Variants in RBFOX1 observed in about 807,000 individuals in gnomAD.
RBFOX1 encodes the protein RNA binding protein fox-1 homolog 1.
Under a neutral mutation model 57.7 loss-of-function variants are expected in RBFOX1, and 8 were observed. The observed-to-expected ratio is 0.14, with a 90% CI of 0.08 to 0.25. The LOEUF (loss-of-function observed/expected upper bound fraction) is 0.25, where lower values mean the gene tolerates loss of function less well. RBFOX1 is among the 10% of genes least tolerant of loss of function. The pLI, the probability that RBFOX1 is intolerant of heterozygous loss-of-function variation, is 1.00. For missense variants in RBFOX1, 611 were observed against 548.5 expected (o/e 1.11, Z -1.14); for synonymous variants, 326 against 222.4 (o/e 1.47, Z -4.15).
chr16:7,403,749 T>C (rs895775743), intron 4 of RBFOX1, among the ~76,000 whole-genome samples: 1 of 152,142 alleles, frequency 6.6e-6, no homozygotes, highest in Non-Finnish European at 1.5e-5. Flanking sequence ...TTTCACCATG[T>C]TGGCCAGGTT....
intron 5 of RBFOX1, among the ~76,000 whole-genome samples, chr16:7,523,290 C>T (rs1356000669): frequency 1.3e-5 from 2 of 152,088 alleles, no homozygotes; most frequent in Non-Finnish European, 2.9e-5. Context: ...AATAAATCTG[C>T]TGACATTTGG....
chr16:7,679,780 TGA>T (rs2074273773), intron 14 of RBFOX1, among the ~76,000 whole-genome samples: 2 of 152,024 alleles, frequency 1.3e-5, no homozygotes, highest in Non-Finnish European at 2.9e-5. Flanking sequence ...CGGAGCAACC[TGA>T]GAGTCTCTGA....
At chr16:6,765,653 G>A (rs765242149) in intron 3 of RBFOX1, among the ~76,000 whole-genome samples, 1 of 152,034 alleles carries the variant, frequency 6.6e-6, no homozygotes, top group Non-Finnish European at 1.5e-5. Context: ...CCCAATACTG[G>A]GTCTCTACCC....
intron 4 of RBFOX1, among the ~76,000 whole-genome samples, chr16:7,251,413 T>TA: frequency 6.8e-6 from 1 of 147,050 alleles, no homozygotes; most frequent in Non-Finnish European, 1.5e-5. Context: ...CCGTTTTTTT[T>TA]TTTTTTTTCT....
intron 3 of RBFOX1, among the ~76,000 whole-genome samples, chr16:6,772,882 G>C (rs1377050189): frequency 6.8e-6 from 1 of 146,032 alleles, no homozygotes; most frequent in South Asian, 2.3e-4. Context: ...CTGTGTGGGC[G>C]TGGGGTGCAT....
At chr16:7,538,022 C>T (rs1273725968) in intron 5 of RBFOX1, among the ~76,000 whole-genome samples, 1 of 152,208 alleles carries the variant, frequency 6.6e-6, no homozygotes, top group African/African-American at 2.4e-5. Flanking sequence ...ATGAGTCAGA[C>T]ATTGTCTGTG....
chr16:7,677,874 G>T (rs2073804840), intron 14 of RBFOX1, among the ~76,000 whole-genome samples: 1 of 152,178 alleles, frequency 6.6e-6, no homozygotes, highest in Non-Finnish European at 1.5e-5. Context: ...GCAGCCTCTG[G>T]TCCTCCTACC....
chr16:5,761,584 C>G (rs28652596), intron 3 of RBFOX1, among the ~76,000 whole-genome samples: 1,904 of 152,134 alleles, frequency 0.013, 37 homozygotes, highest in African/African-American at 0.042. Flanking sequence ...GGGGAACTCC[C>G]CTTTATAAAA....
exon 3 of RBFOX1, chr16:5,598,987 G>C (rs2047276962): frequency 1.3e-6 from 2 of 1,509,836 alleles, no homozygotes; most frequent in East Asian, 2.5e-5. Context: ...TTGCTGAACA[G>C]ATTAGATTTT....
chr16:5,909,869 A>G (rs555539519), intron 4 of RBFOX1, among the ~76,000 whole-genome samples: 7 of 152,076 alleles, frequency 4.6e-5, no homozygotes, highest in Non-Finnish European at 8.8e-5. Context: ...CCTGACCAAT[A>G]TGGTGAAACC....
intron 1 of RBFOX1, among the ~76,000 whole-genome samples, chr16:5,307,769 G>T (rs1037949085): frequency 1.3e-5 from 2 of 152,106 alleles, no homozygotes; most frequent in African/African-American, 2.4e-5. Flanking sequence ...AAAATCCAGG[G>T]CTTAAGCAAT....
chr16:6,567,774 T>G (rs975270445), intron 2 of RBFOX1, among the ~76,000 whole-genome samples: 5 of 152,148 alleles, frequency 3.3e-5, no homozygotes, highest in African/African-American at 1.2e-4. Flanking sequence ...AAGCAACAAA[T>G]TAAGCATTTA....
chr16:5,465,848 T>C (rs1401484078), intron 1 of RBFOX1, among the ~76,000 whole-genome samples: 1 of 152,198 alleles, frequency 6.6e-6, no homozygotes, highest in East Asian at 1.9e-4. Context: ...TGAATGTGGC[T>C]TTCTCCAGAA....
rs181545724 is a variant in RBFOX1 at position 5,372,816 on chromosome 16, G to A, written c.220-94400G>A. On this transcript the variant is annotated intron_variant, in intron 1 of 2. Transcript: ENST00000585867. ...TGTTCATGCTGGGTCGCGTTGACCC[G>A]CACAATACCATCTCATGATCCTTTG... 1.4e-4 allele frequency among the ~76,000 whole-genome samples: 21 copies of A among 152,298 alleles called. No homozygotes were observed. In the South Asian group the frequency reaches 3.3e-3, roughly 24 times the overall value.
intron 2 of RBFOX1, among the ~76,000 whole-genome samples, chr16:5,580,935 G>T (rs17186404): frequency 1.3e-5 from 2 of 152,200 alleles, no homozygotes; most frequent in Non-Finnish European, 2.9e-5. Context: ...TGATGAGGAC[G>T]TGACAGGCTA....
At chr16:6,894,578 A>C (rs2066300907) in intron 3 of RBFOX1, among the ~76,000 whole-genome samples, 1 of 152,200 alleles carries the variant, frequency 6.6e-6, no homozygotes, top group South Asian at 2.1e-4. Flanking sequence ...TTCTGAAAAC[A>C]CTTGCCCCAT....
intron 4 of RBFOX1, among the ~76,000 whole-genome samples, chr16:5,985,590 C>A (rs1202865086): frequency 6.6e-6 from 1 of 152,188 alleles, no homozygotes; most frequent in Non-Finnish European, 1.5e-5. Context: ...AGGCTAGAAG[C>A]CAGGACTGCC....
At chr16:6,562,749 C>A (rs2097194827) in intron 2 of RBFOX1, among the ~76,000 whole-genome samples, 1 of 152,038 alleles carries the variant, frequency 6.6e-6, no homozygotes, top group African/African-American at 2.4e-5. Context: ...ACATTCTGCA[C>A]AAGTTGCTTT....
At chr16:6,836,700 G>C (rs1424973098) in intron 3 of RBFOX1, among the ~76,000 whole-genome samples, 2 of 152,166 alleles carry the variant, frequency 1.3e-5, no homozygotes, top group African/African-American at 4.8e-5. Flanking sequence ...TGTGGACTAT[G>C]ATAGCTCCCT....
Sources: gnomAD v4.1 joint callset for allele counts (sites outside exome capture counted in the v4.1 genomes callset) on GRCh38, gnomAD v4.1.1 for gene constraint, MANE v1.5 for transcripts, NCBI Gene and HGNC (gene_info 2026-07-23, HGNC 2026-07-21) for gene names.